The following SLC47A1 variants were observed in gnomAD, a reference collection of about 807,000 sequenced individuals.
The protein encoded by SLC47A1 is multidrug and toxin extrusion protein 1.
A neutral mutation model predicts 65.8 loss-of-function variants in SLC47A1; 58 were observed. The ratio of observed to expected loss-of-function variants is 0.88; its 90% confidence interval spans 0.71 to 1.10. The LOEUF (loss-of-function observed/expected upper bound fraction) is 1.10. SLC47A1 is among the 50% of genes least tolerant of loss of function. The pLI is 0.00. For synonymous variants in SLC47A1, 285 were observed against 295.0 expected, an observed-to-expected ratio of 0.97 and a Z score of 0.35; for missense variants, 706 against 719.2, an observed-to-expected ratio of 0.98 and a Z score of 0.21.
At chr17:19,568,340 A>C (rs1440094637) in intron 14 of SLC47A1, among the ~76,000 whole-genome samples, 1 of 152,222 alleles carries the variant, frequency 6.6e-6, no homozygotes, top group Non-Finnish European at 1.5e-5. Context: ...AAAATTATTT[A>C]GCTGAGTTTC....
At chr17:19,534,266 C>G (rs1734408388) in intron 1 of SLC47A1, 192 bp downstream of exon 1, 3 of 661,094 alleles carry the variant, frequency 4.5e-6, no homozygotes, top group Non-Finnish European at 4.6e-6. Context: ...CTTTCCGCTC[C>G]GCACCACCCG....
intron 14 of SLC47A1, 89 bp from the exon 15 acceptor site, chr17:19,571,389 G>C (rs965954346): frequency 2.7e-6 from 3 of 1,108,996 alleles, no homozygotes; most frequent in Non-Finnish European, 4.0e-6. Flanking sequence ...ATTCAGTATG[G>C]CTGACAGAAG....
intron 12 of SLC47A1, among the ~76,000 whole-genome samples, chr17:19,563,266 G>A (rs1838433189): frequency 6.6e-6 from 1 of 150,876 alleles, no homozygotes; most frequent in African/African-American, 2.4e-5. Context: ...CCAAGTAGCT[G>A]GGACTACAGG....
intron 10 of SLC47A1, chr17:19,557,395 T>C (rs974694531): frequency 1.1e-5 from 2 of 189,034 alleles, no homozygotes; most frequent in Non-Finnish European, 2.3e-5. Context: ...AAATGCTTAA[T>C]GGTATATAGG....
chr17:19,564,583 T>C (rs2084341529), intron 12 of SLC47A1: 1 of 152,266 alleles, frequency 6.6e-6, no homozygotes, highest in South Asian at 2.1e-4. Flanking sequence ...AGACTTTGCT[T>C]ACTATCTTGT....
At chr17:19,572,930 C>T (rs2084411741) in intron 16 of SLC47A1, 69 bp downstream of exon 16, 19 of 1,343,462 alleles carry the variant, frequency 1.4e-5, no homozygotes, top group Non-Finnish European at 1.9e-5. Context: ...GTTAGTGAGA[C>T]ACAGCTAGAT....
intron 1 of SLC47A1, among the ~76,000 whole-genome samples, chr17:19,541,605 TGA>T (rs1322655916): frequency 2.0e-5 from 3 of 152,210 alleles, no homozygotes; most frequent in Non-Finnish European, 4.4e-5. Flanking sequence ...TGTTTCACCC[TGA>T]GAGTCCGGAT....
chr17:19,567,615 T>C, intron 14 of SLC47A1: 1 of 226,934 alleles, frequency 4.4e-6, no homozygotes, highest in South Asian at 7.1e-5. Flanking sequence ...AGAGACAGCA[T>C]GTGAGCCCCT....
Position 19,555,241 on chromosome 17 carries a change from A to G in SLC47A1, c.573A>G (p.Gly191=), listed in dbSNP as rs752911150. 6 of 1,614,064 alleles carry G rather than the reference A, an allele frequency of 3.7e-6. No individual in the cohort carries two copies. The Admixed American group carries it at 8.3e-5, about 22-fold the overall frequency. Residue 191 remains glycine (G), a synonymous_variant, in exon 7 of 17, where the codon GGA becomes GGG. Coordinates refer to ENST00000270570, the MANE Select transcript of SLC47A1 (RefSeq NM_018242.3). ...TTGTACTGCCCCAGATCGTAACTGG[A>G]GTTGCAGCCAACCTTGTCAATGCCC... ...QGIVLPQIVT[G]VAANLVNALA...
At chr17:19,540,564 C>T (rs1401551996) in intron 1 of SLC47A1, among the ~76,000 whole-genome samples, 2 of 152,160 alleles carry the variant, frequency 1.3e-5, no homozygotes, top group East Asian at 3.8e-4. Flanking sequence ...ACGCCCAAAT[C>T]GTGTGGCACC....
intron 1 of SLC47A1, among the ~76,000 whole-genome samples, chr17:19,537,170 A>G (rs1419693033): frequency 6.6e-6 from 1 of 152,240 alleles, no homozygotes; most frequent in Non-Finnish European, 1.5e-5. Context: ...CAGAGGTGGG[A>G]TAGCCCAGGC....
chr17:19,534,058 T>C lies in SLC47A1; in HGVS notation c.119T>C (p.Val40Ala). 1 of 1,544,632 alleles carries C rather than the reference T, an allele frequency of 6.5e-7. No homozygotes were observed. The highest frequency in any genetic ancestry group is 8.7e-7 in the Non-Finnish European group (1 of 1,145,876). ...CGAGAAGAGCTGCGGGCGCTCTTGGTCCTGGCTGGCCCCGCGGTGAGTAAG... is the reference window on the plus strand; with the variant it reads ...CGAGAAGAGCTGCGGGCGCTCTTGGCCCTGGCTGGCCCCGCGGTGAGTAAG... ...AFREELRALL[V>A]LAGPAFLVQL... Residue 40 changes from valine (V) to alanine (A), a missense_variant, in exon 1 of 17, where the codon GTC becomes GCC. Transcript: ENST00000270570.
intron 10 of SLC47A1, among the ~76,000 whole-genome samples, chr17:19,558,220 A>T (rs938677541): frequency 6.6e-6 from 1 of 152,142 alleles, no homozygotes; most frequent in Non-Finnish European, 1.5e-5. Context: ...ACAGATCTTC[A>T]TTGTTCCTTC....
chr17:19,575,511 G>A (rs995143134), intron 16 of SLC47A1, among the ~76,000 whole-genome samples: 9 of 151,330 alleles, frequency 5.9e-5, no homozygotes, highest in Non-Finnish European at 8.8e-5. Flanking sequence ...CAGTCCTCCC[G>A]TTTTAGCCTC....
At chr17:19,538,989 C>T (rs973568745) in intron 1 of SLC47A1, among the ~76,000 whole-genome samples, 1 of 151,796 alleles carries the variant, frequency 6.6e-6, no homozygotes, top group Non-Finnish European at 1.5e-5. Flanking sequence ...GGCTGGAATG[C>T]AGTGGTGAGC....
At chr17:19,577,246 C>T in intron 16 of SLC47A1, 81 bp from the exon 17 acceptor site, 2 of 1,550,382 alleles carry the variant, frequency 1.3e-6, no homozygotes, top group Non-Finnish European at 1.7e-6. Flanking sequence ...ACTATTAGCA[C>T]ATATTCCTTT....
In SLC47A1 at chr17:19,567,297, G is replaced by A. The variant is rs188122035; in HGVS notation, c.1309+69G>A. ...CCAGGAAATGACCGTCGGAGCACACGGGTCTTTGACTGAGGCTCACCTCTG... is the reference window on the plus strand; with the variant it reads ...CCAGGAAATGACCGTCGGAGCACACAGGTCTTTGACTGAGGCTCACCTCTG... On this transcript the variant is annotated intron_variant, in intron 14 of 16. Transcript: ENST00000270570. The A allele has an allele frequency of 1.5e-4, 237 of 1,603,522 alleles. No individual in the cohort carries two copies. In the African/African-American group the frequency reaches 2.8e-3, roughly 19 times the overall value.
At chr17:19,575,589 C>A (rs1344281781) in intron 16 of SLC47A1, among the ~76,000 whole-genome samples, 1 of 151,964 alleles carries the variant, frequency 6.6e-6, no homozygotes, top group East Asian at 1.9e-4. Context: ...TTGTAGAGAC[C>A]AGGTCTTGCT....
intron 14 of SLC47A1, among the ~76,000 whole-genome samples, chr17:19,569,666 T>C (rs766527001): frequency 8.5e-5 from 13 of 152,260 alleles, no homozygotes; most frequent in Non-Finnish European, 1.3e-4. Context: ...ACATTTTAAA[T>C]ATGTAAATTC....
Sources: gnomAD v4.1 joint callset for allele counts (sites outside exome capture counted in the v4.1 genomes callset) on GRCh38, gnomAD v4.1.1 for gene constraint, MANE v1.5 for transcripts, NCBI Gene and HGNC (gene_info 2026-07-23, HGNC 2026-07-21) for gene names.